TMEFF2: variants seen among roughly 807,000 people sequenced by gnomAD.
TMEFF2 encodes the protein transmembrane protein with EGF like and two follistatin like domains 2, also known as tomoregulin-2.
In TMEFF2, 28 loss-of-function variants were observed where a neutral mutation model predicts 53.8. That is an observed-to-expected ratio of 0.52 (90% CI 0.39 to 0.71). The LOEUF is 0.71. Among genes scored for constraint, TMEFF2 ranks in the 30% least tolerant of loss-of-function variants. TMEFF2 has a pLI of 0.00. For missense variants in TMEFF2, 353 were observed against 455.2 expected, an observed-to-expected ratio of 0.78 and a Z score of 2.04; for synonymous variants, 162 against 166.3, an observed-to-expected ratio of 0.97 and a Z score of 0.20.
intron 4 of TMEFF2, among the ~76,000 whole-genome samples, chr2:192,133,287 T>A (rs543305637): frequency 5.3e-5 from 8 of 152,254 alleles, no homozygotes; most frequent in African/African-American, 1.7e-4. Flanking sequence ...CCTCCTCTTG[T>A]ATCCCCCCAC....
chr2:192,079,252 T>A (rs186213229), intron 4 of TMEFF2, among the ~76,000 whole-genome samples: 1 of 152,344 alleles, frequency 6.6e-6, no homozygotes, highest in East Asian at 1.9e-4. Context: ...TGGGCTGACC[T>A]AATCTTCACC....
intron 4 of TMEFF2, among the ~76,000 whole-genome samples, chr2:192,062,882 G>A (rs1574339168): frequency 6.6e-6 from 1 of 151,788 alleles, no homozygotes; most frequent in East Asian, 1.9e-4. Flanking sequence ...TCCCACGTCT[G>A]CTATTTTATG....
intron 5 of TMEFF2, among the ~76,000 whole-genome samples, chr2:192,020,684 A>G (rs898021358): frequency 6.6e-6 from 1 of 152,136 alleles, no homozygotes; most frequent in African/African-American, 2.4e-5. Context: ...AAGGGATACT[A>G]TTAATGGCTG....
chr2:192,011,316 A>G (rs1487012163), intron 5 of TMEFF2, among the ~76,000 whole-genome samples: 1 of 152,208 alleles, frequency 6.6e-6, no homozygotes, highest in African/African-American at 2.4e-5. Context: ...TCACTCAACC[A>G]TTCTATGTGG....
chr2:191,973,984 C>G (rs1455318669), intron 7 of TMEFF2, among the ~76,000 whole-genome samples: 1 of 152,100 alleles, frequency 6.6e-6, no homozygotes, highest in African/African-American at 2.4e-5. Flanking sequence ...CAATTAAACC[C>G]CTTTCCTTTA....
intron 4 of TMEFF2, among the ~76,000 whole-genome samples, chr2:192,093,651 A>G (rs780651924): frequency 1.2e-4 from 19 of 152,176 alleles, no homozygotes; most frequent in Middle Eastern, 3.4e-3. Flanking sequence ...CGGCACCAGG[A>G]ATCTCCATAG....
At chr2:192,184,117 G>A (rs564078312) in intron 3 of TMEFF2, among the ~76,000 whole-genome samples, 4 of 152,118 alleles carry the variant, frequency 2.6e-5, no homozygotes, top group African/African-American at 9.6e-5. Context: ...TTCATTTAAT[G>A]ACATACGTAC....
chr2:192,134,313 A>G (rs1442397605), intron 4 of TMEFF2, among the ~76,000 whole-genome samples: 1 of 152,102 alleles, frequency 6.6e-6, no homozygotes, highest in Non-Finnish European at 1.5e-5. Context: ...CCATGACTGC[A>G]TCTCTCTGAT....
chr2:192,147,405 T>C (rs1690278978), intron 4 of TMEFF2, among the ~76,000 whole-genome samples: 1 of 152,076 alleles, frequency 6.6e-6, no homozygotes, highest in Admixed American at 6.6e-5. Context: ...TATGTATACA[T>C]GTGCCATGTT....
At chr2:192,048,308 T>G (rs1045942709) in intron 5 of TMEFF2, among the ~76,000 whole-genome samples, 3 of 151,012 alleles carry the variant, frequency 2.0e-5, no homozygotes, top group Admixed American at 6.6e-5. Context: ...TAACTAAAAA[T>G]TTTCAAGATA....
intron 7 of TMEFF2, among the ~76,000 whole-genome samples, chr2:191,964,454 A>G (rs1282853835): frequency 1.4e-5 from 2 of 139,004 alleles, no homozygotes; most frequent in Non-Finnish European, 3.1e-5. Flanking sequence ...TAACCCATGT[A>G]CCTTGTCTAG....
intron 5 of TMEFF2, among the ~76,000 whole-genome samples, chr2:192,008,524 C>T (rs571864431): frequency 3.3e-5 from 5 of 152,152 alleles, no homozygotes; most frequent in Admixed American, 3.3e-4. Flanking sequence ...TGTGCTTGCT[C>T]ATTAAGCTGG....
rs28680640 is a variant in TMEFF2 at position 192,037,614 on chromosome 2, G to C, written c.536+20065C>G. Among the ~76,000 whole-genome samples the C allele has an allele frequency of 3.2e-5, 4 of 126,562 alleles. No homozygotes were observed. The South Asian group carries it at 1.1e-3, about 35-fold the overall frequency. 83.0% of individuals were successfully genotyped at this position (126,562 alleles called of 152,430 possible). A position where few individuals can be genotyped will look rare whatever the true frequency, so the allele number is the denominator to read the frequency against. On this transcript the variant is annotated intron_variant, in intron 5 of 9. Transcript: ENST00000272771. Reference sequence around the variant, plus strand: ...TGTGTGTTTGTGCGTGTGTGAGAGAGAAAGAGAGAGAGGAGAGAAAGAGAG... The same window carrying C: ...TGTGTGTTTGTGCGTGTGTGAGAGACAAAGAGAGAGAGGAGAGAAAGAGAG...
intron 4 of TMEFF2, among the ~76,000 whole-genome samples, chr2:192,073,919 C>T (rs1208840176): frequency 6.6e-6 from 1 of 151,812 alleles, no homozygotes; most frequent in African/African-American, 2.4e-5. Flanking sequence ...ATAGAAACAC[C>T]ATACATAAAA....
chr2:192,152,882 A>T (rs1690421010), intron 4 of TMEFF2, among the ~76,000 whole-genome samples: 1 of 151,892 alleles, frequency 6.6e-6, no homozygotes, highest in Non-Finnish European at 1.5e-5. Flanking sequence ...GAATATATTT[A>T]ATCAAAACCC....
At chr2:191,985,183 T>C (rs1384016555) in intron 7 of TMEFF2, among the ~76,000 whole-genome samples, 1 of 151,998 alleles carries the variant, frequency 6.6e-6, no homozygotes, top group African/African-American at 2.4e-5. Context: ...GGCTTTAATA[T>C]CTGAAACATA....
At chr2:192,048,588 C>A (rs1687684052) in intron 5 of TMEFF2, among the ~76,000 whole-genome samples, 1 of 151,988 alleles carries the variant, frequency 6.6e-6, no homozygotes, top group South Asian at 2.1e-4. Context: ...GGCTTCACAT[C>A]ATATTTTAAG....
chr2:192,099,963 T>C (rs528214191), intron 4 of TMEFF2, among the ~76,000 whole-genome samples: 54 of 152,234 alleles, frequency 3.5e-4, no homozygotes, highest in Admixed American at 1.2e-3. Context: ...GCCAGAAAAG[T>C]TATTGACAAA....
chr2:191,988,402 C>T (rs1158021726), intron 7 of TMEFF2, among the ~76,000 whole-genome samples: 1 of 152,138 alleles, frequency 6.6e-6, no homozygotes, highest in Non-Finnish European at 1.5e-5. Context: ...CTTCAACTTC[C>T]CTGGTGCTCT....
Sources: allele counts gnomAD v4.1 joint callset (sites outside exome capture counted in the v4.1 genomes callset), GRCh38; gene constraint gnomAD v4.1.1; transcripts MANE v1.5; gene names NCBI Gene and HGNC (gene_info 2026-07-23, HGNC 2026-07-21).